AKAP6: variants seen among roughly 807,000 people sequenced by gnomAD.
The protein encoded by AKAP6 is A-kinase anchor protein 6.
Under a neutral mutation model 188.5 loss-of-function variants are expected in AKAP6, and 58 were observed. The ratio of observed to expected loss-of-function variants is 0.31; its 90% CI spans 0.25 to 0.38. AKAP6 has a LOEUF of 0.38. Ranked by LOEUF, AKAP6 falls within the 10% of genes least tolerant of loss-of-function variation. The pLI is 1.00. For missense variants in AKAP6, 2,710 were observed against 2,740.0 expected, an observed-to-expected ratio of 0.99 and a Z score of 0.24; for synonymous variants, 989 against 998.6, an observed-to-expected ratio of 0.99 and a Z score of 0.18.
rs1291200898 is a variant in AKAP6 at position 32,510,423 on chromosome 14, T to TAC, written c.325-25129_325-25128dup. ...ATATATGTATATATATGTATATATATACATATATATATGTGTATATATATA... is the reference window on the plus strand; with the variant it reads ...ATATATGTATATATATGTATATATATACACATATATATATGTGTATATATATA... On this transcript the variant is annotated intron_variant, in intron 2 of 13. Coordinates refer to ENST00000280979, the MANE Select transcript of AKAP6 (RefSeq NM_004274.5). 1.4e-3 allele frequency among the ~76,000 whole-genome samples: 131 copies of TAC among 94,264 alleles called. 2 individuals carry two copies. Among genetic ancestry groups the TAC allele is most frequent in the Non-Finnish European group, 1.8e-3 (82 of 46,772 alleles). The allele number at this position is 94,264 out of a possible 152,430, so 61.8% of individuals were successfully genotyped here.
At chr14:32,817,698 T>C (rs139858634) in intron 12 of AKAP6, among the ~76,000 whole-genome samples, 1 of 152,254 alleles carries the variant, frequency 6.6e-6, no homozygotes, top group African/African-American at 2.4e-5. Context: ...CTCTTAGATT[T>C]TGTCTAAATT....
At chr14:32,753,050 C>A (rs1260134367) in intron 11 of AKAP6, among the ~76,000 whole-genome samples, 1 of 152,066 alleles carries the variant, frequency 6.6e-6, no homozygotes, top group African/African-American at 2.4e-5. Context: ...ATTTTACTTC[C>A]TTAGGATATA....
At chr14:32,379,956 C>T (rs1368775262) in intron 1 of AKAP6, among the ~76,000 whole-genome samples, 2 of 152,200 alleles carry the variant, frequency 1.3e-5, no homozygotes, top group African/African-American at 4.8e-5. Context: ...CATCTAGTCA[C>T]TTATCACATC....
intron 2 of AKAP6, among the ~76,000 whole-genome samples, chr14:32,475,096 T>C (rs907764271): frequency 2.0e-5 from 3 of 152,118 alleles, no homozygotes; most frequent in Admixed American, 2.0e-4. Flanking sequence ...TCGTCTATAA[T>C]TTACTTTCAA....
At chr14:32,528,823 A>G (rs1018054780) in intron 2 of AKAP6, among the ~76,000 whole-genome samples, 1 of 151,952 alleles carries the variant, frequency 6.6e-6, no homozygotes, top group African/African-American at 2.4e-5. Context: ...GATTACAGGC[A>G]TGCAACACTG....
At chr14:32,636,334 C>T (rs34340539) in intron 7 of AKAP6, among the ~76,000 whole-genome samples, 34,959 of 151,916 alleles carry the variant, frequency 0.23, 4,425 homozygotes, top group African/African-American at 0.3. Flanking sequence ...TTTGTTGTAC[C>T]GGAAAATTAC....
intron 11 of AKAP6, among the ~76,000 whole-genome samples, chr14:32,760,894 C>A (rs142814914): frequency 1.8e-4 from 28 of 152,226 alleles, no homozygotes; most frequent in African/African-American, 6.5e-4. Flanking sequence ...TACCTAATAT[C>A]ATATTTGAAG....
At position 32,800,059 on chromosome 14, in the gene AKAP6, C is replaced by CTA. The variant is rs1305584690; in HGVS notation, c.3589-21342_3589-21341insAT. On this transcript the variant is annotated intron_variant, in intron 12 of 13. Coordinates refer to ENST00000280979, the MANE Select transcript of AKAP6 (RefSeq NM_004274.5). Reference sequence around the variant, plus strand: ...ACCCTGTCTCTCTCTCTCTCTCTCTCTCTATATATATAGAAATATATATAT... The same window carrying CTA: ...ACCCTGTCTCTCTCTCTCTCTCTCTCTATCTATATATATAGAAATATATATAT... Among the ~76,000 whole-genome samples, 1,068 of 111,366 alleles carry CTA rather than the reference C, an allele frequency of 9.6e-3. 20 individuals carry two copies. The highest frequency in any genetic ancestry group is 0.037 in the African/African-American group (1,021 of 27,808). The allele number at this position is 111,366 out of a possible 152,430, so 73.1% of individuals were successfully genotyped here. A position where few individuals can be genotyped will look rare whatever the true frequency, so the allele number is the denominator to read the frequency against.
intron 7 of AKAP6, among the ~76,000 whole-genome samples, chr14:32,648,921 A>G (rs762701907): frequency 6.6e-6 from 1 of 152,184 alleles, no homozygotes; most frequent in Non-Finnish European, 1.5e-5. Context: ...TTTTTAAAAT[A>G]TAAGTTTGAA....
chr14:32,615,873 C>T (rs1886556603), intron 7 of AKAP6, among the ~76,000 whole-genome samples: 3 of 152,042 alleles, frequency 2.0e-5, no homozygotes, highest in Non-Finnish European at 2.9e-5. Flanking sequence ...GGATTACAGG[C>T]GTGAGCCACC....
chr14:32,725,011 A>AAAAAAAAAAAAAAAAC (rs1566668827), intron 9 of AKAP6, among the ~76,000 whole-genome samples: 1 of 150,040 alleles, frequency 6.7e-6, no homozygotes, highest in Admixed American at 6.7e-5. Flanking sequence ...AAAAAAAAAA[A>AAAAAAAAAAAAAAAAC]AAAAAACAAT....
intron 7 of AKAP6, among the ~76,000 whole-genome samples, chr14:32,609,906 C>G (rs2139380195): frequency 6.6e-6 from 1 of 151,952 alleles, no homozygotes; most frequent in Middle Eastern, 3.4e-3. Flanking sequence ...CACACACACA[C>G]ACACACACAC....
intron 7 of AKAP6, among the ~76,000 whole-genome samples, chr14:32,646,423 G>A (rs1248346073): frequency 3.3e-5 from 5 of 152,074 alleles, no homozygotes; most frequent in African/African-American, 9.7e-5. Context: ...AAGCAACTGT[G>A]TAGTAACAAT....
chr14:32,355,265 T>G (rs1324075862), intron 1 of AKAP6, among the ~76,000 whole-genome samples: 1 of 152,180 alleles, frequency 6.6e-6, no homozygotes, highest in East Asian at 1.9e-4. Flanking sequence ...ATAGACCATG[T>G]CATCCTTGAA....
At chr14:32,558,627 A>G (rs1161084728) in intron 4 of AKAP6, among the ~76,000 whole-genome samples, 1 of 152,214 alleles carries the variant, frequency 6.6e-6, no homozygotes, top group Non-Finnish European at 1.5e-5. Context: ...TTTGGAGTAT[A>G]GGCTAAGCCA....
At position 32,811,255 on chromosome 14, in the gene AKAP6, A is replaced by AAAAAAAAAAAAAAAAAAAAAAAAAAAAAT. The variant is rs546819675; in HGVS notation, c.3589-10146_3589-10145insAAAAAAAAAAAAAAAAAAAAAAAAAAATA. On this transcript the variant is annotated intron_variant, in intron 12 of 13. Transcript: ENST00000280979. ...CTCCGTCTCAGGAAAAAAAAAAAAAAAGTTGAAAAACAGACTAAGATAATG... is the reference window on the plus strand; with the variant it reads ...CTCCGTCTCAGGAAAAAAAAAAAAAAAAAAAAAAAAAAAAAAAAAAAAAAAAAATAGTTGAAAAACAGACTAAGATAATG... 1.4e-4 allele frequency among the ~76,000 whole-genome samples: 16 copies of AAAAAAAAAAAAAAAAAAAAAAAAAAAAAT among 118,286 alleles called. 2 individuals carry two copies. The highest frequency in any genetic ancestry group is 2.8e-4 in the South Asian group (1 of 3,604). The allele number at this position is 118,286 out of a possible 152,430, so 77.6% of individuals were successfully genotyped here.
intron 1 of AKAP6, among the ~76,000 whole-genome samples, chr14:32,410,770 T>C (rs1414019563): frequency 6.6e-6 from 1 of 152,196 alleles, no homozygotes; most frequent in African/African-American, 2.4e-5. Context: ...TAATAGGTTT[T>C]TTGTTTTTGT....
chr14:32,578,855 C>T (rs1884843989), intron 5 of AKAP6, among the ~76,000 whole-genome samples: 1 of 152,048 alleles, frequency 6.6e-6, no homozygotes, highest in Non-Finnish European at 1.5e-5. Flanking sequence ...GATATGGCCT[C>T]TTTGTAACCA....
intron 1 of AKAP6, among the ~76,000 whole-genome samples, chr14:32,391,369 T>C (rs1347035919): frequency 6.6e-6 from 1 of 152,176 alleles, no homozygotes; most frequent in Non-Finnish European, 1.5e-5. Flanking sequence ...TATTACCAAC[T>C]GGGAAATCTT....
Sources: allele counts gnomAD v4.1 joint callset (sites outside exome capture counted in the v4.1 genomes callset), GRCh38; gene constraint gnomAD v4.1.1; transcripts MANE v1.5; gene names NCBI Gene and HGNC (gene_info 2026-07-23, HGNC 2026-07-21).